The following WDPCP variants were observed in gnomAD, a reference collection of about 807,000 sequenced individuals.
WDPCP encodes WD repeat-containing and planar cell polarity effector protein fritz homolog.
A neutral mutation model predicts 93.1 loss-of-function variants in WDPCP; 71 were observed. That is an observed-to-expected ratio of 0.76 (90% confidence interval 0.63 to 0.93). WDPCP has a LOEUF of 0.93. WDPCP is among the 40% of genes least tolerant of loss of function. The probability of loss-of-function intolerance (pLI) is 0.00; values close to 1 mark genes in which losing one functional copy is unlikely to be tolerated. For synonymous variants in WDPCP, 315 were observed against 315.0 expected (o/e 1.00, Z 0.00); for missense variants, 844 against 887.4 (o/e 0.95, Z 0.62).
chr2:63,252,791 G>A (rs1171487172), intron 14 of WDPCP, among the ~76,000 whole-genome samples: 4 of 152,102 alleles, frequency 2.6e-5, no homozygotes, highest in South Asian at 4.1e-4. Context: ...AAACTTCCAC[G>A]TGCCTGGATT....
chr2:63,454,715 A>AC (rs564106544), intron 6 of WDPCP, among the ~76,000 whole-genome samples: 325 of 152,178 alleles, frequency 2.1e-3, no homozygotes, highest in Admixed American at 2.9e-3. Flanking sequence ...CGATCCAGTG[A>AC]CCCCAATCAG....
chr2:63,693,468 T>C (rs1190679343), intron 2 of WDPCP, among the ~76,000 whole-genome samples: 2 of 151,632 alleles, frequency 1.3e-5, no homozygotes, highest in African/African-American at 4.9e-5. Context: ...GATAGATAGA[T>C]AGATAGATAG....
intron 17 of WDPCP, among the ~76,000 whole-genome samples, chr2:63,139,890 G>C (rs1478548835): frequency 3.3e-5 from 5 of 152,108 alleles, no homozygotes; most frequent in African/African-American, 1.2e-4. Flanking sequence ...CTTTGCCTAC[G>C]CCAATGTCTA....
intron 2 of WDPCP, among the ~76,000 whole-genome samples, chr2:63,667,452 G>A (rs1397395042): frequency 6.6e-6 from 1 of 152,190 alleles, no homozygotes; most frequent in Non-Finnish European, 1.5e-5. Context: ...CATTTTAACA[G>A]TAATAGTTAA....
At chr2:63,708,854 C>A (rs1404632163) in intron 2 of WDPCP, among the ~76,000 whole-genome samples, 1 of 151,686 alleles carries the variant, frequency 6.6e-6, no homozygotes, top group Non-Finnish European at 1.5e-5. Flanking sequence ...TCATGATCCG[C>A]CCACCTCAGC....
At chr2:63,637,884 T>C (rs1231528599) in intron 3 of WDPCP, among the ~76,000 whole-genome samples, 1 of 152,192 alleles carries the variant, frequency 6.6e-6, no homozygotes, top group Non-Finnish European at 1.5e-5. Context: ...GGAGGTTCCT[T>C]ACAAAACTAA....
At chr2:63,654,845 T>A (rs1000402510) in intron 2 of WDPCP, among the ~76,000 whole-genome samples, 6 of 151,864 alleles carry the variant, frequency 4.0e-5, no homozygotes, top group Non-Finnish European at 7.4e-5. Context: ...TATTTTTTTT[T>A]AATTTTCAAA....
At chr2:63,163,922 C>T (rs1028584331) in intron 15 of WDPCP, among the ~76,000 whole-genome samples, 10 of 152,108 alleles carry the variant, frequency 6.6e-5, no homozygotes, top group Admixed American at 1.3e-4. Flanking sequence ...AATAAAATCA[C>T]GCCAAAATTT....
At chr2:63,688,993 G>A (rs1668853125) in intron 2 of WDPCP, among the ~76,000 whole-genome samples, 7 of 151,980 alleles carry the variant, frequency 4.6e-5, no homozygotes, top group Admixed American at 3.3e-4. Context: ...TTGACTATAT[G>A]ATGCCTTCTG....
chr2:63,537,968 C>T (rs1265234927), intron 1 of WDPCP, among the ~76,000 whole-genome samples: 1 of 152,010 alleles, frequency 6.6e-6, no homozygotes, highest in Non-Finnish European at 1.5e-5. Flanking sequence ...CCATCTCTGC[C>T]GAACAAGAGC....
chr2:63,386,470 C>G (rs1187741028), intron 10 of WDPCP, among the ~76,000 whole-genome samples: 2 of 152,028 alleles, frequency 1.3e-5, no homozygotes, highest in African/African-American at 2.4e-5. Flanking sequence ...TTGATTCCAA[C>G]AGTCACCAGA....
At chr2:63,804,528 T>G (rs1670736175) in intron 2 of WDPCP, among the ~76,000 whole-genome samples, 1 of 151,602 alleles carries the variant, frequency 6.6e-6, no homozygotes, top group Non-Finnish European at 1.5e-5. Flanking sequence ...GTGCTGGGAT[T>G]ACAGGTGTGA....
chr2:63,335,256 C>G (rs1234110466), intron 12 of WDPCP, among the ~76,000 whole-genome samples: 2 of 152,042 alleles, frequency 1.3e-5, no homozygotes, highest in Non-Finnish European at 2.9e-5. Context: ...TCCCCAGACC[C>G]TCTTTGGAAA....
At chr2:63,467,591 A>G (rs1487371984) in intron 6 of WDPCP, among the ~76,000 whole-genome samples, 1 of 151,882 alleles carries the variant, frequency 6.6e-6, no homozygotes, top group Non-Finnish European at 1.5e-5. Context: ...ACCCTGGCCA[A>G]TATGGTGAAA....
intron 14 of WDPCP, among the ~76,000 whole-genome samples, chr2:63,189,471 G>T (rs62180324): frequency 6.6e-6 from 1 of 151,960 alleles, no homozygotes; most frequent in Non-Finnish European, 1.5e-5. Flanking sequence ...TATGTTACAG[G>T]TGATTTGTCT....
intron 1 of WDPCP, among the ~76,000 whole-genome samples, chr2:63,541,920 T>TA (rs779777061): frequency 5.3e-5 from 8 of 152,130 alleles, no homozygotes; most frequent in African/African-American, 1.4e-4. Flanking sequence ...TCAAATTTTA[T>TA]AAAAAAATCT....
rs186892187 is a variant in WDPCP, at chr2:63,609,386, T to C, written n.488+41273A>G. Among the ~76,000 whole-genome samples, 45 of 151,330 alleles carry C rather than the reference T, an allele frequency of 3.0e-4. 1 individual carries two copies. The East Asian group carries it at 7.0e-3, about 24-fold the overall frequency. ...AACAAAACAACAACAACAAAATATATATATATACACACACTAATAAAGGGT... is the reference window on the plus strand; with the variant it reads ...AACAAAACAACAACAACAAAATATACATATATACACACACTAATAAAGGGT... On this transcript the variant is annotated intron_variant and non_coding_transcript_variant, in intron 3 of 4. Coordinates refer to the WDPCP transcript ENST00000467687.
intron 1 of WDPCP, among the ~76,000 whole-genome samples, chr2:63,523,587 A>G (rs568992480): frequency 2.6e-5 from 4 of 152,198 alleles, no homozygotes; most frequent in Non-Finnish European, 5.9e-5. Flanking sequence ...CCTTGATCTG[A>G]TAAACAACTT....
intron 3 of WDPCP, chr2:63,606,174 G>A: frequency 1.3e-6 from 1 of 760,760 alleles, no homozygotes; most frequent in Non-Finnish European, 2.3e-6. Flanking sequence ...TTGAGCCCAG[G>A]AGTTCAAGAC....
Sources: gnomAD v4.1 joint callset for allele counts (sites outside exome capture counted in the v4.1 genomes callset) on GRCh38, gnomAD v4.1.1 for gene constraint, MANE v1.5 for transcripts, NCBI Gene and HGNC (gene_info 2026-07-23, HGNC 2026-07-21) for gene names.